The following CNOT4 variants were observed in gnomAD, a reference collection of about 807,000 sequenced individuals.
The protein encoded by CNOT4 is CCR4-associated factor 4.
In CNOT4, 8 loss-of-function variants were observed where a neutral mutation model predicts 73.8. The ratio of observed to expected loss-of-function variants is 0.11; its 90% confidence interval spans 0.06 to 0.20. The LOEUF (loss-of-function observed/expected upper bound fraction) is 0.20, where lower values mean the gene tolerates loss of function less well. Among genes scored for constraint, CNOT4 ranks in the 10% least tolerant of loss-of-function variants. The pLI is 1.00. For missense variants in CNOT4, 564 were observed against 883.4 expected, an observed-to-expected ratio of 0.64 and a Z score of 4.58; for synonymous variants, 293 against 321.1, an observed-to-expected ratio of 0.91 and a Z score of 0.94.
At chr7:135,506,615 C>T (rs1300441388) in intron 1 of CNOT4, among the ~76,000 whole-genome samples, 3 of 151,950 alleles carry the variant, frequency 2.0e-5, no homozygotes, top group Non-Finnish European at 2.9e-5. Flanking sequence ...TTTGGGAGGC[C>T]AAGGTGGGCG....
intron 1 of CNOT4, among the ~76,000 whole-genome samples, chr7:135,491,359 A>G (rs1389209630): frequency 6.6e-6 from 1 of 152,242 alleles, no homozygotes; most frequent in East Asian, 1.9e-4. Flanking sequence ...AGAGGTAGGC[A>G]AAAAGGAAAA....
chr7:135,508,062 T>C (rs1225757430), intron 1 of CNOT4, among the ~76,000 whole-genome samples: 7 of 152,210 alleles, frequency 4.6e-5, no homozygotes, highest in African/African-American at 1.4e-4. Context: ...AATGTTAAGA[T>C]TCCAAATTTT....
chr7:135,385,131 C>A (rs1351805927), intron 10 of CNOT4, among the ~76,000 whole-genome samples: 1 of 152,228 alleles, frequency 6.6e-6, no homozygotes, highest in East Asian at 1.9e-4. Flanking sequence ...TAATTGCAAT[C>A]AAATCTATTA....
intron 1 of CNOT4, among the ~76,000 whole-genome samples, chr7:135,453,797 TATAAATATATATA>T (rs1800325191): frequency 1.5e-5 from 2 of 134,558 alleles, no homozygotes; most frequent in South Asian, 4.4e-4. Flanking sequence ...TATTTTTATA[TATAAATATATATA>T]ATAAATATAT....
At chr7:135,509,472 G>C (rs1228844641) in intron 1 of CNOT4, 1 of 152,586 alleles carries the variant, frequency 6.6e-6, no homozygotes, top group African/African-American at 2.4e-5. Flanking sequence ...GGAAGTGATG[G>C]CTTTGGTCTT....
intron 10 of CNOT4, among the ~76,000 whole-genome samples, chr7:135,367,912 G>T (rs1317776096): frequency 6.6e-6 from 1 of 151,946 alleles, no homozygotes; most frequent in Non-Finnish European, 1.5e-5. Flanking sequence ...TAATACATCA[G>T]GGAATGAGTG....
chr7:135,500,753 A>T (rs1222168460), intron 1 of CNOT4, among the ~76,000 whole-genome samples: 1 of 152,216 alleles, frequency 6.6e-6, no homozygotes, highest in Non-Finnish European at 1.5e-5. Context: ...AAAGTCATCC[A>T]GTAATATTTA....
chr7:135,486,156 T>C (rs1802704938), intron 1 of CNOT4, among the ~76,000 whole-genome samples: 1 of 148,892 alleles, frequency 6.7e-6, no homozygotes, highest in Non-Finnish European at 1.5e-5. Flanking sequence ...AAAAATAAAA[T>C]GAAAGAGAAG....
chr7:135,472,301 C>T (rs1169821118), intron 1 of CNOT4, among the ~76,000 whole-genome samples: 1 of 148,102 alleles, frequency 6.8e-6, no homozygotes, highest in South Asian at 2.1e-4. Flanking sequence ...CACAGTGACA[C>T]CCCGTCTCTA....
intron 1 of CNOT4, among the ~76,000 whole-genome samples, chr7:135,447,616 T>G (rs1799911569): frequency 6.6e-6 from 1 of 152,212 alleles, no homozygotes; most frequent in East Asian, 1.9e-4. Flanking sequence ...CTCATATAAT[T>G]TAACATGTCC....
intron 1 of CNOT4, among the ~76,000 whole-genome samples, chr7:135,446,172 T>C (rs946248437): frequency 1.3e-5 from 2 of 152,140 alleles, no homozygotes; most frequent in Admixed American, 6.6e-5. Context: ...TGAGCCACCA[T>C]GACCAGCCTG....
chr7:135,450,339 T>C (rs1265448551), intron 1 of CNOT4, among the ~76,000 whole-genome samples: 1 of 152,174 alleles, frequency 6.6e-6, no homozygotes, highest in Non-Finnish European at 1.5e-5. Flanking sequence ...TGTTTGTTTG[T>C]GTCAGGGACT....
intron 2 of CNOT4, among the ~76,000 whole-genome samples, chr7:135,433,540 T>TA (rs1327170196): frequency 6.6e-6 from 1 of 151,690 alleles, no homozygotes; most frequent in Non-Finnish European, 1.5e-5. Context: ...TTATTGTTAT[T>TA]AGAGATGAGG....
At chr7:135,430,244 C>T (rs985844105) in intron 2 of CNOT4, among the ~76,000 whole-genome samples, 2 of 152,074 alleles carry the variant, frequency 1.3e-5, no homozygotes, top group African/African-American at 4.8e-5. Context: ...CTTTATGACA[C>T]AGACAAAAAA....
At chr7:135,491,819 T>C (rs1162088580) in intron 1 of CNOT4, among the ~76,000 whole-genome samples, 1 of 152,206 alleles carries the variant, frequency 6.6e-6, no homozygotes, top group African/African-American at 2.4e-5. Context: ...GCTAGGGCAA[T>C]GTCCAGAGTA....
At chr7:135,382,583 G>GAAA (rs11448872) in intron 10 of CNOT4, among the ~76,000 whole-genome samples, 74 of 147,254 alleles carry the variant, frequency 5.0e-4, no homozygotes, top group East Asian at 1.4e-3. Flanking sequence ...CTGACTAGGA[G>GAAA]AAAAAAAAAA....
intron 1 of CNOT4, among the ~76,000 whole-genome samples, chr7:135,450,414 G>T (rs1026644447): frequency 6.6e-6 from 1 of 152,056 alleles, no homozygotes; most frequent in Non-Finnish European, 1.5e-5. Flanking sequence ...CGCCTCCTGG[G>T]TTCAAGCGAT....
At chr7:135,422,108 C>A (rs904556718) in intron 3 of CNOT4, 48 bp downstream of exon 3, 10 of 1,138,704 alleles carry the variant, frequency 8.8e-6, no homozygotes, top group Non-Finnish European at 1.3e-5. Flanking sequence ...CCAAGTAAGA[C>A]AAGGAAACAA....
chr7:135,497,842 C>A (rs1177344014), intron 1 of CNOT4, among the ~76,000 whole-genome samples: 1 of 152,150 alleles, frequency 6.6e-6, no homozygotes, highest in African/African-American at 2.4e-5. Context: ...TCTATGTGGT[C>A]AAGTGATTAC....
Sources: gnomAD v4.1 joint callset for allele counts (sites outside exome capture counted in the v4.1 genomes callset) on GRCh38, gnomAD v4.1.1 for gene constraint, MANE v1.5 for transcripts, NCBI Gene and HGNC (gene_info 2026-07-23, HGNC 2026-07-21) for gene names.